TPCN1: variants seen among roughly 807,000 people sequenced by gnomAD.
TPCN1 encodes the protein two pore segment channel 1.
TPCN1 carries 52 observed loss-of-function variants against 108.8 expected under a neutral mutation model. The observed-to-expected ratio is 0.48, with a 90% confidence interval of 0.38 to 0.60. The LOEUF (loss-of-function observed/expected upper bound fraction) is 0.60, where lower values mean the gene tolerates loss of function less well. TPCN1 is among the 20% of genes least tolerant of loss of function. TPCN1 has a pLI of 0.00. For missense variants in TPCN1, 806 were observed against 1,072.8 expected, an observed-to-expected ratio of 0.75 and a Z score of 3.47; for synonymous variants, 446 against 433.7, an observed-to-expected ratio of 1.03 and a Z score of -0.35.
At chr12:113,238,081 A>G (rs1464079420) in intron 2 of TPCN1, among the ~76,000 whole-genome samples, 5 of 152,024 alleles carry the variant, frequency 3.3e-5, no homozygotes, top group Non-Finnish European at 7.4e-5. Flanking sequence ...ATGGCAGCCT[A>G]CCTCTCATTT....
At chr12:113,243,460 G>A (rs768438203) in intron 2 of TPCN1, among the ~76,000 whole-genome samples, 6 of 151,556 alleles carry the variant, frequency 4.0e-5, no homozygotes, top group Admixed American at 3.9e-4. Flanking sequence ...ACTCATGCCT[G>A]TAATCCCACT....
At chr12:113,267,194 C>T (rs115988326) in intron 4 of TPCN1, among the ~76,000 whole-genome samples, 32 of 152,284 alleles carry the variant, frequency 2.1e-4, no homozygotes, top group African/African-American at 7.0e-4. Context: ...AAGGGTTTTC[C>T]ATGTCTTGTC....
At chr12:113,279,720 G>T (rs1374492010) in intron 14 of TPCN1, among the ~76,000 whole-genome samples, 1 of 151,960 alleles carries the variant, frequency 6.6e-6, no homozygotes, top group Non-Finnish European at 1.5e-5. Flanking sequence ...ATATATTTTT[G>T]CCCTCCTCTT....
chr12:113,269,702 C>T lies in TPCN1; in HGVS notation c.660-55C>T, dbSNP rs919557304. ...GGCCTCCATCTCAACAAGGAGGAGT[C>T]CCAGGCAGCCCGCCCCAGCTGGTGC... On this transcript the variant is annotated intron_variant, in intron 6 of 27. Coordinates refer to ENST00000335509, the MANE Select transcript of TPCN1 (RefSeq NM_017901.6). The surrounding 1 kb of genome is among the most constrained non-coding windows in gnomAD (Gnocchi z 5.0). 5.9e-6 allele frequency: 9 copies of T among 1,520,160 alleles called. No homozygotes were observed. In the African/African-American group the frequency reaches 8.2e-5, roughly 14 times the overall value. 94.2% of individuals were successfully genotyped at this position (1,520,160 alleles called of 1,614,324 possible).
chr12:113,260,809 T>C (rs1226102848), intron 3 of TPCN1, among the ~76,000 whole-genome samples: 3 of 152,218 alleles, frequency 2.0e-5, no homozygotes, highest in African/African-American at 7.2e-5. Flanking sequence ...CAGGAGGGAA[T>C]TCTTTACATA....
At position 113,288,093 on chromosome 12, in the gene TPCN1, G is replaced by C; in HGVS notation, c.1635-70G>C. The C allele has an allele frequency of 6.8e-7, 1 of 1,464,834 alleles. No homozygotes were observed. The allele number at this position is 1,464,834 out of a possible 1,614,324, so 90.7% of individuals were successfully genotyped here. A position where few individuals can be genotyped will look rare whatever the true frequency, so the allele number is the denominator to read the frequency against. On this transcript the variant is annotated intron_variant, in intron 19 of 27. Coordinates refer to ENST00000335509, the MANE Select transcript of TPCN1 (RefSeq NM_017901.6). The surrounding 1 kb of genome is among the most constrained non-coding windows in gnomAD (Gnocchi z 4.8). ...CGCATGGCGTGTGGAAGGCGGGGCC[G>C]GCATGTTCTGAGGGCGGGGGCTGAG...
Position 113,268,920 on chromosome 12 carries a change from G to C in TPCN1, c.659+48G>C. The C allele has an allele frequency of 6.2e-7, 1 of 1,609,698 alleles. No homozygotes were observed. Among genetic ancestry groups the C allele is most frequent in the Non-Finnish European group, 8.5e-7 (1 of 1,177,886 alleles). On this transcript the variant is annotated intron_variant, in intron 6 of 27. Transcript: ENST00000335509. This position sits in a 1 kb window ranked among gnomAD's most constrained non-coding sequence, Gnocchi z 7.3. The stretch of plus-strand genomic sequence containing the variant: ...GGCAGTCACTATCCTGGCATGGCCT[G>C]ACCTCTGGGCCAGTGGGGCAGGAGC...
chr12:113,225,040 C>T (rs745731561), intron 1 of TPCN1, among the ~76,000 whole-genome samples: 19 of 152,008 alleles, frequency 1.2e-4, no homozygotes, highest in African/African-American at 2.2e-4. Context: ...TGTAAGCCAC[C>T]GTGCCCAGCC....
At chr12:113,238,682 G>C (rs936662778) in intron 2 of TPCN1, among the ~76,000 whole-genome samples, 1 of 152,136 alleles carries the variant, frequency 6.6e-6, no homozygotes, top group African/African-American at 2.4e-5. Context: ...CATTCTCCAG[G>C]TATGCTGTTT....
rs554634565 is a variant in TPCN1 at position 113,289,883 on chromosome 12, C to T, written c.1797-245C>T. On this transcript the variant is annotated intron_variant, in intron 21 of 27. Transcript: ENST00000335509. The surrounding 1 kb of genome is among the most constrained non-coding windows in gnomAD (Gnocchi z 4.1). ...AGGCCCTGCCTGCAGCAGACAACTT[C>T]CAGGTGACAGAGGTGGGTCAGGCTG... Among the ~76,000 whole-genome samples the T allele has an allele frequency of 5.3e-5, 8 of 152,330 alleles. No individual in the cohort carries two copies. The South Asian group carries it at 1.7e-3, about 32-fold the overall frequency.
intron 3 of TPCN1, among the ~76,000 whole-genome samples, chr12:113,260,812 T>G (rs1344139880): frequency 6.6e-6 from 1 of 152,238 alleles, no homozygotes; most frequent in Non-Finnish European, 1.5e-5. Flanking sequence ...GAGGGAATTC[T>G]TTACATACTG....
At chr12:113,226,679 G>T in intron 1 of TPCN1, 49 bp from the exon 2 acceptor site, 1 of 1,374,438 alleles carries the variant, frequency 7.3e-7, no homozygotes, top group South Asian at 1.4e-5. Flanking sequence ...CATCAGTCAT[G>T]GCTGTATTTT....
Position 113,298,442 on chromosome 12 carries a change from C to T in TPCN1, c.*2366C>T, listed in dbSNP as rs1431239527. ...TCGCTTCCCCTCCCACAGCCCCAGC[C>T]TTACTCCACCATGCGGACAATCATT... On this transcript the variant is annotated 3_prime_UTR_variant, in exon 28 of 28. Transcript: ENST00000335509. 2 of 152,338 alleles carry T rather than the reference C, an allele frequency of 1.3e-5. No individual in the cohort carries two copies. Among genetic ancestry groups the T allele is most frequent in the Non-Finnish European group, 2.9e-5 (2 of 68,104 alleles). The allele number at this position is 152,338 out of a possible 1,614,324, so 9.4% of individuals were successfully genotyped here.
At chr12:113,257,488 C>CAAAA (rs77052703) in intron 2 of TPCN1, among the ~76,000 whole-genome samples, 52 of 96,738 alleles carry the variant, frequency 5.4e-4, no homozygotes, top group East Asian at 1.9e-3. Flanking sequence ...GAGACCGTCT[C>CAAAA]AAAAAAAAAA....
chr12:113,260,141 G>A (rs1954971059), intron 2 of TPCN1, among the ~76,000 whole-genome samples: 2 of 152,000 alleles, frequency 1.3e-5, no homozygotes, highest in Non-Finnish European at 2.9e-5. Context: ...CATACTATTT[G>A]TACTCTTTTG....
In TPCN1 at chr12:113,295,971, G is replaced by A. The variant is rs193120130; in HGVS notation, c.2346G>A (p.Glu782=). The part of the protein sequence containing the change: ...MYQEEIQEWY[E]EHAREQEQQR... Reference sequence around the variant, plus strand: ...GCTCTCTTCTCCAGGAGTGGTATGAGGAGCATGCCAGGGAGCAAGAGCAGC... The same window carrying A: ...GCTCTCTTCTCCAGGAGTGGTATGAAGAGCATGCCAGGGAGCAAGAGCAGC... The change falls in exon 28 of 28, where the codon GAG becomes GAA. Residue 782 remains glutamate (E), a synonymous_variant. Coordinates refer to ENST00000335509, the MANE Select transcript of TPCN1 (RefSeq NM_017901.6). The A allele has an allele frequency of 2.6e-5, 42 of 1,606,578 alleles. No individual in the cohort carries two copies. In the East Asian group the frequency reaches 9.2e-4, roughly 35 times the overall value.
intron 2 of TPCN1, among the ~76,000 whole-genome samples, chr12:113,228,137 G>T (rs1953541751): frequency 6.6e-6 from 1 of 152,210 alleles, no homozygotes; most frequent in Admixed American, 6.5e-5. Context: ...TACAGAGGAG[G>T]AAACTATGGG....
rs771868159 is a variant in TPCN1, at chr12:113,296,016, T to A, written c.2391T>A (p.Ser797Arg). Residue 797 changes from serine to arginine, a missense_variant, in exon 28 of 28, where the codon AGT becomes AGA. Physicochemically the swap from Ser to Arg is moderately radical, Grantham distance 110 (BLOSUM62 -1). Transcript: ENST00000335509. ...EQEQQRQLSS[S>R]AAPAAQQPPG... Reference sequence around the variant, plus strand: ...AGCAGCAGCGACAACTCAGCAGCAGTGCAGCCCCCGCCGCCCAGCAGCCCC... The same window carrying A: ...AGCAGCAGCGACAACTCAGCAGCAGAGCAGCCCCCGCCGCCCAGCAGCCCC... The A allele has an allele frequency of 6.2e-7, 1 of 1,612,984 alleles. No individual in the cohort carries two copies. The highest frequency in any genetic ancestry group is 8.5e-7 in the Non-Finnish European group (1 of 1,179,820).
intron 2 of TPCN1, among the ~76,000 whole-genome samples, chr12:113,254,216 G>T (rs1045350730): frequency 6.6e-6 from 1 of 152,180 alleles, no homozygotes; most frequent in Non-Finnish European, 1.5e-5. Context: ...AAAACTTCAG[G>T]CCCAGATAGC....
Sources: allele counts gnomAD v4.1 joint callset (sites outside exome capture counted in the v4.1 genomes callset), GRCh38; gene constraint gnomAD v4.1.1; non-coding constraint Gnocchi (gnomAD v3.1); transcripts MANE v1.5; gene names NCBI Gene and HGNC (gene_info 2026-07-23, HGNC 2026-07-21).